The following SIK3 variants were observed in gnomAD, a reference collection of about 807,000 sequenced individuals.
SIK3 encodes serine/threonine-protein kinase SIK3.
SIK3 carries 28 observed loss-of-function variants against 144.2 expected under a neutral mutation model. The ratio of observed to expected loss-of-function variants is 0.19; its 90% CI spans 0.14 to 0.27. The LOEUF (loss-of-function observed/expected upper bound fraction) is 0.27, where lower values mean the gene tolerates loss of function less well. Among genes scored for constraint, SIK3 ranks in the 10% least tolerant of loss-of-function variants. The pLI is 1.00. For missense variants in SIK3, 1,319 were observed against 1,776.0 expected (o/e 0.74, Z 4.62); for synonymous variants, 686 against 676.3 (o/e 1.01, Z -0.22).
intron 1 of SIK3, among the ~76,000 whole-genome samples, chr11:117,006,555 T>C (rs1219657983): frequency 6.6e-6 from 1 of 151,892 alleles, no homozygotes; most frequent in Non-Finnish European, 1.5e-5. Flanking sequence ...CCCAGCACTT[T>C]GGGAGGCAGA....
intron 1 of SIK3, among the ~76,000 whole-genome samples, chr11:116,975,014 C>A (rs753831680): frequency 1.3e-5 from 2 of 152,090 alleles, no homozygotes; most frequent in Non-Finnish European, 1.5e-5. Flanking sequence ...TTGTTTTAAT[C>A]TGTTGATCTT....
intron 1 of SIK3, among the ~76,000 whole-genome samples, chr11:117,074,200 T>C (rs1460107080): frequency 1.3e-5 from 2 of 152,212 alleles, no homozygotes; most frequent in Non-Finnish European, 1.5e-5. Flanking sequence ...TAAGTGCCTT[T>C]ATGTCCCTGT....
At chr11:117,005,904 A>G (rs1166137267) in intron 1 of SIK3, among the ~76,000 whole-genome samples, 1 of 152,152 alleles carries the variant, frequency 6.6e-6, no homozygotes, top group Non-Finnish European at 1.5e-5. Flanking sequence ...TTATTAGTGA[A>G]CAGAAGAATC....
intron 3 of SIK3, among the ~76,000 whole-genome samples, chr11:116,931,630 T>C (rs892212030): frequency 6.6e-6 from 1 of 152,192 alleles, no homozygotes; most frequent in Non-Finnish European, 1.5e-5. Context: ...AAAGGCAGTA[T>C]GTGTGCTCAT....
At chr11:116,900,606 A>G (rs1298866443) in intron 4 of SIK3, among the ~76,000 whole-genome samples, 1 of 152,182 alleles carries the variant, frequency 6.6e-6, no homozygotes, top group Non-Finnish European at 1.5e-5. Context: ...TAGCATCACT[A>G]GACTATTCAC....
At chr11:116,946,843 C>G (rs1370415315) in intron 3 of SIK3, among the ~76,000 whole-genome samples, 1 of 152,048 alleles carries the variant, frequency 6.6e-6, no homozygotes, top group Non-Finnish European at 1.5e-5. Context: ...AGGCCAGGAG[C>G]GTTGGCTCAC....
intron 13 of SIK3, among the ~76,000 whole-genome samples, chr11:116,872,362 C>T (rs761646913): frequency 3.9e-5 from 6 of 152,178 alleles, no homozygotes; most frequent in South Asian, 2.1e-4. Context: ...CCTGTCTTGC[C>T]CATCTCTGAA....
intron 1 of SIK3, among the ~76,000 whole-genome samples, chr11:117,004,402 G>A (rs762436243): frequency 6.6e-6 from 1 of 152,094 alleles, no homozygotes; most frequent in Non-Finnish European, 1.5e-5. Context: ...TGTGGTCCCA[G>A]CTACTCAGGA....
At chr11:116,953,953 G>T in intron 3 of SIK3, 91 bp downstream of exon 3, 2 of 922,478 alleles carry the variant, frequency 2.2e-6, no homozygotes, top group Non-Finnish European at 3.5e-6. Context: ...TCAAGTGACT[G>T]CTGCTCAAGT....
At chr11:116,903,422 C>T (rs1253053022) in intron 4 of SIK3, among the ~76,000 whole-genome samples, 3 of 152,096 alleles carry the variant, frequency 2.0e-5, no homozygotes, top group Admixed American at 1.3e-4. Flanking sequence ...AAGAGCTTTG[C>T]TGTTTTCAGT....
rs771881935 is a variant in SIK3, at chr11:116,847,517, G to A, written c.3911C>T (p.Ser1304Leu). Residue 1304 changes from serine (S) to leucine (L), a missense_variant, in exon 23 of 25, where the codon TCG (serine) becomes TTG (leucine). Physicochemically the swap from Ser to Leu is moderately radical, Grantham distance 145. Coordinates refer to ENST00000445177, the MANE Select transcript of SIK3 (RefSeq NM_001366686.3). The part of the protein sequence containing the change: ...RMSDAVLSQS[S>L]LMGSQQFQDG... ...CTGAAACTGCTGGCTGCCCATGAGC[G>A]AAGACTGACTGAGAACTGCATCCGA... 3.4e-5 allele frequency: 55 copies of A among 1,614,030 alleles called. 1 individual carries two copies. The highest frequency in any genetic ancestry group is 3.4e-4 in the South Asian group (31 of 91,090).
At chr11:116,855,166 G>A (rs1179296406) in intron 21 of SIK3, 1 of 144,980 alleles carries the variant, frequency 6.9e-6, no homozygotes, top group African/African-American at 2.7e-5. Flanking sequence ...GAAAACCTCT[G>A]TCCTTAGCTT....
chr11:117,035,919 T>C lies in SIK3; in HGVS notation c.273+62224A>G, dbSNP rs1591583500. 4 of 1,595,806 alleles carry C rather than the reference T, an allele frequency of 2.5e-6. No individual in the cohort carries two copies. In the East Asian group the frequency reaches 6.7e-5, roughly 27 times the overall value. On this transcript the variant is annotated intron_variant, in intron 1 of 24. Transcript: ENST00000445177. Reference sequence around the variant, plus strand: ...ACCGTTTGTGCATGGCTAAAGACCGTGATGATTTTATAGCATCCTGGGCAT... The same window carrying C: ...ACCGTTTGTGCATGGCTAAAGACCGCGATGATTTTATAGCATCCTGGGCAT...
At chr11:116,991,251 CA>C (rs1950492184) in intron 1 of SIK3, among the ~76,000 whole-genome samples, 1 of 152,100 alleles carries the variant, frequency 6.6e-6, no homozygotes, top group African/African-American at 2.4e-5. Context: ...AGTTTGAGAC[CA>C]GCTGGCCAAC....
Position 117,034,619 on chromosome 11 carries a change from A to T in SIK3, c.273+63524T>A, listed in dbSNP as rs555615178. ...CTTATAAAGGCTGTTTCCTAAATGTAGTAATGTATAAGTAATCATGCCATG... is the reference window on the plus strand; with the variant it reads ...CTTATAAAGGCTGTTTCCTAAATGTTGTAATGTATAAGTAATCATGCCATG... On this transcript the variant is annotated intron_variant, in intron 1 of 24. Transcript: ENST00000445177. 2.2e-4 allele frequency among the ~76,000 whole-genome samples: 33 copies of T among 152,328 alleles called. 1 individual carries two copies. In the East Asian group the frequency reaches 5.2e-3, roughly 24 times the overall value.
chr11:116,873,765 T>A (rs567435771), intron 12 of SIK3, 129 bp from the exon 13 acceptor site: 7 of 1,463,178 alleles, frequency 4.8e-6, no homozygotes, highest in Non-Finnish European at 1.8e-6. Flanking sequence ...CGCTTCCCGC[T>A]CACCCGAGCT....
At chr11:116,982,334 G>C (rs1950169919) in intron 1 of SIK3, among the ~76,000 whole-genome samples, 1 of 151,400 alleles carries the variant, frequency 6.6e-6, no homozygotes, top group Non-Finnish European at 1.5e-5. Flanking sequence ...TGTCACCCGG[G>C]CTGGAGTGCA....
chr11:117,072,756 G>C (rs920704385), intron 1 of SIK3, among the ~76,000 whole-genome samples: 1 of 152,182 alleles, frequency 6.6e-6, no homozygotes, highest in African/African-American at 2.4e-5. Context: ...GACTAATGCT[G>C]AGTCACAGTT....
At chr11:116,851,740 G>GC (rs1444837360) in intron 21 of SIK3, among the ~76,000 whole-genome samples, 1 of 152,244 alleles carries the variant, frequency 6.6e-6, no homozygotes, top group Non-Finnish European at 1.5e-5. Flanking sequence ...TGTGGGATTA[G>GC]CCCGCCCGTC....
Sources: allele counts gnomAD v4.1 joint callset (sites outside exome capture counted in the v4.1 genomes callset), GRCh38; gene constraint gnomAD v4.1.1; transcripts MANE v1.5; gene names NCBI Gene and HGNC (gene_info 2026-07-23, HGNC 2026-07-21).